The following HMCN1 variants were observed in gnomAD, a reference collection of about 807,000 sequenced individuals.
HMCN1 encodes hemicentin 1.
A neutral mutation model predicts 625.9 loss-of-function variants in HMCN1; 321 were observed. That is an observed-to-expected ratio of 0.51 (90% CI 0.47 to 0.56). The LOEUF (loss-of-function observed/expected upper bound fraction) is 0.56. Ranked by LOEUF, HMCN1 falls within the 20% of genes least tolerant of loss-of-function variation. The pLI is 0.00. For synonymous variants in HMCN1, 2,425 were observed against 2,417.6 expected (o/e 1.00, Z -0.09); for missense variants, 6,588 against 6,887.3 (o/e 0.96, Z 1.54).
intron 1 of HMCN1, among the ~76,000 whole-genome samples, chr1:185,803,205 C>CAAAAAAAA: frequency 8.0e-4 from 47 of 58,776 alleles, no homozygotes; most frequent in East Asian, 1.9e-3. Flanking sequence ...AAAAAAAAAG[C>CAAAAAAAA]AAAAAAAAAA....
At chr1:185,813,844 A>C (rs1659680515) in intron 1 of HMCN1, among the ~76,000 whole-genome samples, 1 of 152,318 alleles carries the variant, frequency 6.6e-6, no homozygotes, top group East Asian at 1.9e-4. Context: ...ACGTATGCTA[A>C]CAAAATACAC....
chr1:186,018,140 A>C (rs1379237758), intron 33 of HMCN1, 43 bp from the exon 34 acceptor site: 3 of 1,496,786 alleles, frequency 2.0e-6, no homozygotes, highest in Non-Finnish European at 2.8e-6. Context: ...GATATGATTT[A>C]CTTAAAATAT....
intron 1 of HMCN1, among the ~76,000 whole-genome samples, chr1:185,845,010 C>T (rs1214009343): frequency 1.3e-5 from 2 of 152,190 alleles, no homozygotes; most frequent in African/African-American, 4.8e-5. Context: ...GCAGTGGCCC[C>T]ACCTTTTCCT....
rs1661870684 is a variant in HMCN1 at position 186,130,452 on chromosome 1, A to C, written c.13040-55A>C. On this transcript the variant is annotated intron_variant, in intron 84 of 106. Transcript: ENST00000271588. ...TTTTTCCAAATAGGTCAAAGATCAC[A>C]AAGAAATTATCAGCACTTACTTTTA... The C allele has an allele frequency of 1.9e-6, 3 of 1,554,582 alleles. No homozygotes were observed. In the East Asian group the frequency reaches 6.7e-5, roughly 35 times the overall value.
chr1:186,186,992 T>TCACACACACACACA (rs200279097), intron 105 of HMCN1, among the ~76,000 whole-genome samples: 35 of 95,484 alleles, frequency 3.7e-4, no homozygotes, highest in South Asian at 1.4e-3. Context: ...TCTGTCTCTG[T>TCACACACACACACA]CTCACACACA....
In HMCN1 at chr1:186,048,773, C is replaced by T. The variant is rs41317477; in HGVS notation, c.6511C>T (p.Arg2171Cys). 317 of 1,610,662 alleles carry T rather than the reference C, an allele frequency of 2.0e-4. No individual in the cohort carries two copies. The highest frequency in any genetic ancestry group is 2.5e-4 in the Non-Finnish European group (294 of 1,177,542). ...AGATGCTCAGGTTCAAGACACTGGT[C>T]GTTACACTTGTGAAGCAACAAATGT... ...IEDAQVQDTG[R>C]YTCEATNVAG... Residue 2171 changes from arginine to cysteine, a missense_variant, in exon 42 of 107, where the codon CGT becomes TGT. By Grantham distance (180) the Arg-to-Cys change is radical. Around this residue, in one of 3 missense-constraint regions of HMCN1, gnomAD observed 4,628 missense variants for 4,853.1 expected, o/e 0.95. Transcript: ENST00000271588.
At chr1:185,856,555 A>G (rs1350009424) in intron 2 of HMCN1, among the ~76,000 whole-genome samples, 1 of 151,998 alleles carries the variant, frequency 6.6e-6, no homozygotes, top group African/African-American at 2.4e-5. Flanking sequence ...TAAATTTTAC[A>G]GGTAAGGGAC....
At chr1:186,119,936 A>G (rs1661319603) in intron 79 of HMCN1, 54 bp downstream of exon 79, 7 of 1,613,956 alleles carry the variant, frequency 4.3e-6, no homozygotes, top group Non-Finnish European at 5.9e-6. Context: ...GTGTTTTATA[A>G]TTCGAATCAG....
At chr1:186,136,646 C>T in intron 86 of HMCN1, 22 bp from the exon 87 acceptor site, 1 of 1,612,716 alleles carries the variant, frequency 6.2e-7, no homozygotes, top group Non-Finnish European at 8.5e-7. Context: ...AAAACTGAGA[C>T]ACTATGTGCT....
intron 36 of HMCN1, among the ~76,000 whole-genome samples, 153 bp from the exon 37 acceptor site, chr1:186,037,781 T>C (rs952874407): frequency 1.3e-5 from 2 of 152,338 alleles, no homozygotes; most frequent in African/African-American, 4.8e-5. Flanking sequence ...TGTTCTTCAG[T>C]CTATTTAATA....
intron 4 of HMCN1, 108 bp downstream of exon 4, chr1:185,865,971 GT>G: frequency 9.3e-7 from 1 of 1,080,756 alleles, no homozygotes; most frequent in Non-Finnish European, 1.4e-6. Context: ...TAACCAAAAG[GT>G]ATAACTCCAA....
intron 1 of HMCN1, among the ~76,000 whole-genome samples, chr1:185,800,416 C>T (rs1454090682): frequency 6.6e-6 from 1 of 152,192 alleles, no homozygotes; most frequent in African/African-American, 2.4e-5. Flanking sequence ...TCATCATGAT[C>T]ACCTTATTTT....
chr1:186,048,863 G>T (rs1466517160), intron 42 of HMCN1, 24 bp downstream of exon 42: 2 of 1,364,544 alleles, frequency 1.5e-6, no homozygotes, highest in Non-Finnish European at 2.1e-6. Flanking sequence ...GCTCTTGAAA[G>T]CAAATAATGC....
At chr1:185,919,391 G>T (rs1459141831) in intron 6 of HMCN1, among the ~76,000 whole-genome samples, 1 of 152,016 alleles carries the variant, frequency 6.6e-6, no homozygotes, top group African/African-American at 2.4e-5. Context: ...GTACTTTGAT[G>T]CAGGGCAAAA....
chr1:185,983,470 A>G (rs749024735), intron 18 of HMCN1, among the ~76,000 whole-genome samples: 1 of 152,224 alleles, frequency 6.6e-6, no homozygotes, highest in African/African-American at 2.4e-5. Flanking sequence ...AATTGACTCC[A>G]TCTAAGAAAA....
intron 11 of HMCN1, among the ~76,000 whole-genome samples, chr1:185,938,257 T>G (rs2102505558): frequency 6.6e-6 from 1 of 152,266 alleles, no homozygotes; most frequent in South Asian, 2.1e-4. Context: ...GTGAATAGAT[T>G]AACCAAGGTA....
At chr1:185,735,689 C>G (rs1253110528) in intron 1 of HMCN1, among the ~76,000 whole-genome samples, 1 of 152,236 alleles carries the variant, frequency 6.6e-6, no homozygotes, top group East Asian at 1.9e-4. Flanking sequence ...TTCGGAATGT[C>G]TGTGCTTTTT....
rs1010448837 is a variant in HMCN1, at chr1:186,132,308, A to G, written c.13231-20A>G. 1.3e-5 allele frequency: 21 copies of G among 1,599,322 alleles called. No individual in the cohort carries two copies. The highest frequency in any genetic ancestry group is 1.7e-5 in the Non-Finnish European group (20 of 1,168,496). ...CTCTGTAGGCTCATATTTTTGTAAA[A>G]ACGCTGCTTATTTCCATAGAATGAA... On this transcript the variant is annotated intron_variant, in intron 85 of 106. Transcript: ENST00000271588.
At chr1:185,831,690 T>A (rs1253342430) in intron 1 of HMCN1, among the ~76,000 whole-genome samples, 3 of 152,056 alleles carry the variant, frequency 2.0e-5, no homozygotes, top group Non-Finnish European at 4.4e-5. Flanking sequence ...TCAATAGCTT[T>A]TATATATACA....
Sources: gnomAD v4.1 joint callset for allele counts (sites outside exome capture counted in the v4.1 genomes callset) on GRCh38, gnomAD v4.1.1 for gene constraint, gnomAD v4.1.1 regional missense constraint, MANE v1.5 for transcripts, NCBI Gene and HGNC (gene_info 2026-07-23, HGNC 2026-07-21) for gene names.